ANKRD31: variants seen among roughly 807,000 people sequenced by gnomAD.
ANKRD31 encodes the protein ankyrin repeat domain 31, also known as ankyrin repeat domain-containing protein 31.
ANKRD31 carries 147 observed loss-of-function variants against 186.0 expected under a neutral mutation model. The observed-to-expected ratio is 0.79, with a 90% CI of 0.69 to 0.91. ANKRD31 has a LOEUF of 0.91. Ranked by LOEUF, ANKRD31 falls within the 40% of genes least tolerant of loss-of-function variation. The probability of loss-of-function intolerance (pLI) is 0.00; values close to 1 mark genes in which losing one functional copy is unlikely to be tolerated. For missense variants in ANKRD31, 1,986 were observed against 2,148.8 expected (o/e 0.92, Z 1.50); for synonymous variants, 673 against 736.4 (o/e 0.91, Z 1.39).
intron 22 of ANKRD31, among the ~76,000 whole-genome samples, chr5:75,101,536 A>G (rs1444649712): frequency 6.6e-6 from 1 of 152,038 alleles, no homozygotes; most frequent in Non-Finnish European, 1.5e-5. Context: ...ACTTGGTTCC[A>G]TTCTCCCTCC....
chr5:75,201,389 T>C (rs2150263133), intron 5 of ANKRD31, among the ~76,000 whole-genome samples: 1 of 152,306 alleles, frequency 6.6e-6, no homozygotes, highest in African/African-American at 2.4e-5. Context: ...ACATTTTATA[T>C]CTCTACTTGC....
intron 17 of ANKRD31, among the ~76,000 whole-genome samples, chr5:75,125,136 G>C (rs1223515235): frequency 2.0e-5 from 3 of 152,058 alleles, no homozygotes; most frequent in Non-Finnish European, 4.4e-5. Context: ...GCACATAGTA[G>C]TCACCTAATA....
chr5:75,118,606 A>G (rs563850016), intron 17 of ANKRD31, among the ~76,000 whole-genome samples: 7 of 152,328 alleles, frequency 4.6e-5, no homozygotes, highest in South Asian at 4.1e-4. Context: ...CTGTGATAAT[A>G]AAATGTTCTA....
chr5:75,192,836 A>C, intron 8 of ANKRD31, 60 bp from the exon 9 acceptor site: 1 of 1,225,904 alleles, frequency 8.2e-7, no homozygotes, highest in Non-Finnish European at 1.1e-6. Flanking sequence ...TTCACAGAGA[A>C]TTATACCAAT....
rs565024802 is a variant in ANKRD31, at chr5:75,147,018, C to T, written c.2393G>A (p.Ser798Asn). 9 of 1,536,404 alleles carry T rather than the reference C, an allele frequency of 5.9e-6. No individual in the cohort carries two copies. The highest frequency in any genetic ancestry group is 4.9e-5 in the East Asian group (2 of 40,876). ...LSSLRNGLDSSTEACSVSKEK... is the reference protein window; with the variant it reads ...LSSLRNGLDSNTEACSVSKEK... ...TTTGGAAACTGAACAAGCCTCAGTA[C>T]TGCTATCTAATCCATTTCTCAGGCT... Residue 798 changes from serine (S) to asparagine (N), a missense_variant, in exon 14 of 26, where the codon AGT becomes AAT. By Grantham distance (46) the Ser-to-Asn change is conservative. Coordinates refer to ENST00000506364, the MANE Select transcript of ANKRD31 (RefSeq NM_001372053.1).
intron 2 of ANKRD31, among the ~76,000 whole-genome samples, chr5:75,223,436 T>C (rs956039678): frequency 9.9e-5 from 15 of 152,194 alleles, no homozygotes; most frequent in Non-Finnish European, 1.8e-4. Context: ...GATTGTTTTT[T>C]TGAAACTCAT....
At chr5:75,183,718 T>A (rs1443893392) in intron 10 of ANKRD31, among the ~76,000 whole-genome samples, 1 of 151,936 alleles carries the variant, frequency 6.6e-6, no homozygotes, top group Non-Finnish European at 1.5e-5. Context: ...GTGAAAGATC[T>A]CCACACTGAA....
At chr5:75,161,631 G>A (rs752688552) in intron 11 of ANKRD31, among the ~76,000 whole-genome samples, 3 of 152,042 alleles carry the variant, frequency 2.0e-5, no homozygotes, top group Non-Finnish European at 2.9e-5. Flanking sequence ...TGTCCCCAGG[G>A]CATGACAGAG....
intron 22 of ANKRD31, among the ~76,000 whole-genome samples, chr5:75,098,495 G>A (rs1345968819): frequency 6.6e-6 from 1 of 151,980 alleles, no homozygotes; most frequent in South Asian, 2.1e-4. Context: ...GATGGGGATG[G>A]CATTGAATCT....
At position 75,208,444 on chromosome 5, in the gene ANKRD31, T is replaced by A. The variant is rs182337491; in HGVS notation, c.327-1957A>T. Among the ~76,000 whole-genome samples, 264 of 152,204 alleles carry A rather than the reference T, an allele frequency of 1.7e-3. 1 individual carries two copies. The highest frequency in any genetic ancestry group is 5.7e-3 in the African/African-American group (236 of 41,540). On this transcript the variant is annotated intron_variant, in intron 4 of 25. Coordinates refer to ENST00000506364, the MANE Select transcript of ANKRD31 (RefSeq NM_001372053.1). The stretch of plus-strand genomic sequence containing the variant: ...ACCCCCCACCCCATTTCTCTGATCT[T>A]TTTTTCTTGAAGCACCTGAAGGGAC...
chr5:75,211,519 G>A (rs937502527), intron 3 of ANKRD31, among the ~76,000 whole-genome samples: 19 of 152,120 alleles, frequency 1.2e-4, no homozygotes, highest in Non-Finnish European at 4.4e-5. Context: ...AAGTGAAATT[G>A]CTAAATCATT....
intron 11 of ANKRD31, among the ~76,000 whole-genome samples, chr5:75,158,916 A>C (rs1262964841): frequency 6.6e-6 from 1 of 152,178 alleles, no homozygotes; most frequent in African/African-American, 2.4e-5. Context: ...ATGTGCAAAA[A>C]AACACTCTAA....
intron 11 of ANKRD31, among the ~76,000 whole-genome samples, chr5:75,163,108 T>G (rs1406823984): frequency 6.6e-6 from 1 of 152,228 alleles, no homozygotes; most frequent in Non-Finnish European, 1.5e-5. Context: ...ATTTTGGTAG[T>G]TCTTTTTGTT....
chr5:75,221,917 A>G (rs747166911), intron 3 of ANKRD31, among the ~76,000 whole-genome samples: 6 of 152,220 alleles, frequency 3.9e-5, no homozygotes, highest in African/African-American at 9.6e-5. Context: ...ACTATCAATA[A>G]GGCTTCCAGT....
At position 75,104,561 on chromosome 5, in the gene ANKRD31, G is replaced by C. The variant is rs961098; in HGVS notation, c.4998C>G (p.Asp1666Glu). The C allele has an allele frequency of 0.17, 258,565 of 1,536,344 alleles. 24,416 individuals are homozygous for C. The highest frequency in any genetic ancestry group is 0.37 in the South Asian group (30,899 of 83,874). ...CTCTTTTGGGATCATAATTGGAAAG[G>C]TCCTGATCACAAATAATATTTGATG... ...AHPSNIICDQ[D>E]LSNYDPKRGN... Residue 1666 changes from aspartate (D) to glutamate (E), a missense_variant, in exon 22 of 26, where the codon GAC (aspartate) becomes GAG (glutamate). By Grantham distance (45) the Asp-to-Glu change is conservative (BLOSUM62 2). Transcript: ENST00000506364.
chr5:75,178,421 T>C (rs565954773), intron 10 of ANKRD31, among the ~76,000 whole-genome samples: 3 of 152,056 alleles, frequency 2.0e-5, no homozygotes, highest in Non-Finnish European at 2.9e-5. Context: ...CCCAAATCAT[T>C]AGAATATACA....
intron 10 of ANKRD31, among the ~76,000 whole-genome samples, chr5:75,186,879 A>G (rs1754750529): frequency 6.6e-6 from 1 of 152,140 alleles, no homozygotes; most frequent in South Asian, 2.1e-4. Context: ...GTATACTTAA[A>G]TCTTCCTACT....
chr5:75,121,198 T>C, intron 17 of ANKRD31, among the ~76,000 whole-genome samples: 1 of 144,430 alleles, frequency 6.9e-6, no homozygotes, highest in Middle Eastern at 3.6e-3. Flanking sequence ...AAAAAAAAGA[T>C]AGAGGGGTGG....
chr5:75,193,053 C>G (rs1027546677), intron 8 of ANKRD31, among the ~76,000 whole-genome samples: 1 of 152,054 alleles, frequency 6.6e-6, no homozygotes, highest in African/African-American at 2.4e-5. Flanking sequence ...TAATCTCCTG[C>G]TCTTTACTCC....
Sources: allele counts gnomAD v4.1 joint callset (sites outside exome capture counted in the v4.1 genomes callset), GRCh38; gene constraint gnomAD v4.1.1; transcripts MANE v1.5; gene names NCBI Gene and HGNC (gene_info 2026-07-23, HGNC 2026-07-21).